Variants in DSP observed in about 807,000 individuals in gnomAD.
DSP encodes the protein 250/210 kDa paraneoplastic pemphigus antigen.
Under a neutral mutation model 290.6 loss-of-function variants are expected in DSP, and 114 were observed. The ratio of observed to expected loss-of-function variants is 0.39; its 90% CI spans 0.34 to 0.46. The LOEUF (loss-of-function observed/expected upper bound fraction) is 0.46. Ranked by LOEUF, DSP falls within the 20% of genes least tolerant of loss-of-function variation. DSP has a pLI of 0.99. For synonymous variants in DSP, 1,311 were observed against 1,316.4 expected (o/e 1.00, Z 0.09); for missense variants, 3,230 against 3,495.8 (o/e 0.92, Z 1.92).
At chr6:7,569,111 T>C in intron 11 of DSP, 75 bp from the exon 12 acceptor site, 2 of 1,601,764 alleles carry the variant, frequency 1.2e-6, no homozygotes, top group Non-Finnish European at 1.7e-6. Flanking sequence ...TTCATCTCTG[T>C]TTCCATCATT....
chr6:7,554,950 C>T (rs923935537), intron 1 of DSP, among the ~76,000 whole-genome samples: 7 of 152,074 alleles, frequency 4.6e-5, no homozygotes, highest in Non-Finnish European at 7.4e-5. Context: ...CCACTGTGTC[C>T]GGCCAATATT....
rs1554105896 is a variant in DSP at position 7,559,210 on chromosome 6, G to GT, written c.423-9dup. On this transcript the variant is annotated splice_polypyrimidine_tract_variant and intron_variant, in intron 3 of 23. Transcript: ENST00000379802. ...GCTGTTTTCCTGCAGTGGTTTAAAG[G>GT]TTTTTTTCTTTGCAGGCTTCTTCAG... The GT allele has an allele frequency of 1.1e-5, 17 of 1,613,506 alleles. No homozygotes were observed. The highest frequency in any genetic ancestry group is 2.2e-5 in the South Asian group (2 of 91,050).
At chr6:7,561,343 T>C (rs1758686379) in intron 4 of DSP, among the ~76,000 whole-genome samples, 1 of 152,162 alleles carries the variant, frequency 6.6e-6, no homozygotes, top group Non-Finnish European at 1.5e-5. Context: ...AACTAAAAGC[T>C]GTTTGATTGC....
Position 7,582,333 on chromosome 6 carries a change from C to T in DSP, c.5380-309C>T, listed in dbSNP as rs1271700907. On this transcript the variant is annotated intron_variant, in intron 23 of 23. Coordinates refer to ENST00000379802, the MANE Select transcript of DSP (RefSeq NM_004415.4). The surrounding 1 kb of genome is among the most constrained non-coding windows in gnomAD (Gnocchi z 4.2). ...GTGTAGCAGGTATGATAACCTGAAA[C>T]AAAACTCCCCACATTTTTTCAAAGC... Among the ~76,000 whole-genome samples the T allele has an allele frequency of 6.6e-6, 1 of 150,836 alleles. No individual in the cohort carries two copies. Among genetic ancestry groups the T allele is most frequent in the African/African-American group, 2.4e-5 (1 of 41,108 alleles).
chr6:7,574,299 C>T (rs1205232267), intron 16 of DSP, 47 bp downstream of exon 16: 1 of 1,583,562 alleles, frequency 6.3e-7, no homozygotes, highest in Non-Finnish European at 8.7e-7. Context: ...TCTCAAGCTT[C>T]TTTTTCTGGG....
At chr6:7,553,082 A>G (rs1271687834) in intron 1 of DSP, among the ~76,000 whole-genome samples, 1 of 152,226 alleles carries the variant, frequency 6.6e-6, no homozygotes, top group Non-Finnish European at 1.5e-5. Context: ...CAGAAAAGTT[A>G]CAAAATAGTA....
chr6:7,562,822 C>A (rs763855095), intron 5 of DSP, 42 bp downstream of exon 5: 17 of 1,612,630 alleles, frequency 1.1e-5, no homozygotes, highest in Non-Finnish European at 1.4e-5. Flanking sequence ...AAAATATCTA[C>A]CGAAGGATCG....
intron 22 of DSP, 49 bp downstream of exon 22, chr6:7,578,611 G>A: frequency 7.2e-7 from 1 of 1,383,176 alleles, no homozygotes; most frequent in Non-Finnish European, 1.0e-6. Context: ...AAATAGAATA[G>A]AACCTTATTA....
At chr6:7,542,643 G>A (rs1244200480) in intron 1 of DSP, among the ~76,000 whole-genome samples, 2 of 152,068 alleles carry the variant, frequency 1.3e-5, no homozygotes, top group Non-Finnish European at 2.9e-5. Flanking sequence ...TCAAGGCTGC[G>A]CGTCCCGGCG....
chr6:7,542,443 G>T (rs904057619), intron 1 of DSP, among the ~76,000 whole-genome samples: 1 of 152,136 alleles, frequency 6.6e-6, no homozygotes, highest in Non-Finnish European at 1.5e-5. Flanking sequence ...GTGGGGCTGC[G>T]ACCACAAAAC....
At position 7,580,581 on chromosome 6, in the gene DSP, G is replaced by T. The variant is rs1759397806; in HGVS notation, c.4391G>T (p.Arg1464Ile). ...CAGATGCGAACAGAGGAGAGCGTAA[G>T]ATATAAGCAATCTCTTGATGATGCT... ...VTQMRTEESV[R>I]YKQSLDDAAK... The change falls in exon 23 of 24, where the codon AGA becomes ATA. Residue 1464 changes from arginine to isoleucine, a missense_variant. Physicochemically the swap from Arg to Ile is moderately conservative, Grantham distance 97. Transcript: ENST00000379802. The surrounding 1 kb of genome is among the most constrained non-coding windows in gnomAD (Gnocchi z 4.2). 6.2e-7 allele frequency: 1 copy of T among 1,613,972 alleles called. No individual in the cohort carries two copies. The highest frequency in any genetic ancestry group is 1.1e-5 in the South Asian group (1 of 91,078).
intron 3 of DSP, among the ~76,000 whole-genome samples, chr6:7,558,876 C>A (rs1410837770): frequency 6.6e-6 from 1 of 152,054 alleles, no homozygotes; most frequent in East Asian, 1.9e-4. Context: ...GAAACAAAGA[C>A]TATAAGGCAG....
At chr6:7,556,565 A>T (rs551770406) in intron 2 of DSP, among the ~76,000 whole-genome samples, 29 of 152,350 alleles carry the variant, frequency 1.9e-4, no homozygotes, top group African/African-American at 6.5e-4. Context: ...TATCAAGGTT[A>T]CATCTGGCAT....
intron 5 of DSP, 114 bp downstream of exon 5, chr6:7,562,894 A>G (rs1758747053): frequency 1.3e-6 from 2 of 1,492,220 alleles, no homozygotes; most frequent in South Asian, 1.2e-5. Context: ...TTCCCAGAAG[A>G]CTGGAAATGT....
At chr6:7,552,565 A>G (rs1242449895) in intron 1 of DSP, among the ~76,000 whole-genome samples, 21 of 114,608 alleles carry the variant, frequency 1.8e-4, no homozygotes, top group Admixed American at 4.6e-4. Flanking sequence ...TCCATCTCGG[A>G]AAAAAAAAAA....
In DSP at chr6:7,583,064, A is replaced by T; in HGVS notation, c.5802A>T (p.Arg1934=). The change falls in exon 24 of 24, where the codon CGA becomes CGT. Residue 1934 remains arginine, a synonymous_variant. Coordinates refer to ENST00000379802, the MANE Select transcript of DSP (RefSeq NM_004415.4). This position sits in a 1 kb window ranked among gnomAD's most constrained non-coding sequence, Gnocchi z 4.0. ...CACAGTTAGAAACAGAACGCTCCCG[A>T]TATCAGAGGGAGATTGATAAACTCA... ...TQSQLETERS[R]YQREIDKLRQ... 6.2e-7 allele frequency: 1 copy of T among 1,614,108 alleles called. No individual in the cohort carries two copies. The highest frequency in any genetic ancestry group is 1.3e-5 in the African/African-American group (1 of 75,008).
At position 7,580,255 on chromosome 6, in the gene DSP, T is replaced by C. The variant is rs148478829; in HGVS notation, c.4065T>C (p.Tyr1355=). 1,444 of 1,613,840 alleles carry C rather than the reference T, an allele frequency of 8.9e-4. 1 individual carries two copies. The highest frequency in any genetic ancestry group is 1.0e-3 in the Non-Finnish European group (1,235 of 1,180,008). The change falls in exon 23 of 24, where the codon TAT becomes TAC. Residue 1355 remains tyrosine, a synonymous_variant. Coordinates refer to ENST00000379802, the MANE Select transcript of DSP (RefSeq NM_004415.4). The surrounding 1 kb of genome is among the most constrained non-coding windows in gnomAD (Gnocchi z 4.2). ...ENELSKVRNN[Y]DEEIISLKNQ... Reference sequence around the variant, plus strand: ...AACTGAGTAAGGTAAGAAACAATTATGATGAGGAGATCATTAGCTTAAAAA... The same window carrying C: ...AACTGAGTAAGGTAAGAAACAATTACGATGAGGAGATCATTAGCTTAAAAA...
At chr6:7,568,685 A>G in intron 11 of DSP, 96 bp downstream of exon 11, 1 of 1,317,816 alleles carries the variant, frequency 7.6e-7, no homozygotes, top group Non-Finnish European at 1.1e-6. Flanking sequence ...GAGTTCAATA[A>G]TCACCACAGT....
At chr6:7,550,335 A>G (rs1415618694) in intron 1 of DSP, among the ~76,000 whole-genome samples, 1 of 152,124 alleles carries the variant, frequency 6.6e-6, no homozygotes. Context: ...GATTACAGGC[A>G]TGAGCCACGG....
Sources: allele counts gnomAD v4.1 joint callset (sites outside exome capture counted in the v4.1 genomes callset), GRCh38; gene constraint gnomAD v4.1.1; non-coding constraint Gnocchi (gnomAD v3.1); transcripts MANE v1.5; gene names NCBI Gene and HGNC (gene_info 2026-07-23, HGNC 2026-07-21).